Variants in NFAT5 observed in about 807,000 individuals in gnomAD.
NFAT5 encodes nuclear factor of activated T-cells 5.
In NFAT5, 31 loss-of-function variants were observed where a neutral mutation model predicts 166.5. That is an observed-to-expected ratio of 0.19 (90% CI 0.14 to 0.25). The LOEUF (loss-of-function observed/expected upper bound fraction) is 0.25, where lower values mean the gene tolerates loss of function less well. NFAT5 is among the 10% of genes least tolerant of loss of function. The pLI, the probability that NFAT5 is intolerant of heterozygous loss-of-function variation, is 1.00. For synonymous variants in NFAT5, 612 were observed against 639.7 expected, an observed-to-expected ratio of 0.96 and a Z score of 0.65; for missense variants, 1,449 against 1,821.8, an observed-to-expected ratio of 0.80 and a Z score of 3.72.
At chr16:69,595,521 A>T (rs2032741089) in intron 2 of NFAT5, among the ~76,000 whole-genome samples, 2 of 152,108 alleles carry the variant, frequency 1.3e-5, no homozygotes, top group Admixed American at 1.3e-4. Flanking sequence ...TACAAATTTA[A>T]TGCCTTTTAA....
chr16:69,694,770 G>C (rs2151725673), intron 13 of NFAT5, among the ~76,000 whole-genome samples: 1 of 152,362 alleles, frequency 6.6e-6, no homozygotes, highest in African/African-American at 2.4e-5. Flanking sequence ...AAAGGAAAAT[G>C]AAGTCAGAAT....
At chr16:69,601,949 T>C (rs1219307838) in intron 2 of NFAT5, among the ~76,000 whole-genome samples, 1 of 152,196 alleles carries the variant, frequency 6.6e-6, no homozygotes, top group Non-Finnish European at 1.5e-5. Context: ...TGCATATTAT[T>C]AGATAAGACC....
At chr16:69,667,341 A>T (rs1011052622) in intron 7 of NFAT5, among the ~76,000 whole-genome samples, 2 of 152,184 alleles carry the variant, frequency 1.3e-5, no homozygotes, top group African/African-American at 4.8e-5. Context: ...CATTTAAAAA[A>T]AAAACTTTAC....
Position 69,670,154 on chromosome 16 carries a change from C to G in NFAT5, c.1504+43C>G. ...TGGTACAGATATTTGTATGTTTTCA[C>G]TTTGTTATATGGATATAGTCATAGC... On this transcript the variant is annotated intron_variant, in intron 8 of 14. Transcript: ENST00000349945. 2.5e-6 allele frequency: 4 copies of G among 1,596,906 alleles called. No individual in the cohort carries two copies. The Admixed American group carries it at 5.3e-5, about 21-fold the overall frequency.
Position 69,647,898 on chromosome 16 carries a change from G to A in NFAT5, c.812+312G>A, listed in dbSNP as rs771191982. Among the ~76,000 whole-genome samples, 10 of 152,020 alleles carry A rather than the reference G, an allele frequency of 6.6e-5. No homozygotes were observed. Among genetic ancestry groups the A allele is most frequent in the Admixed American group, 2.0e-4 (3 of 15,252 alleles). On this transcript the variant is annotated intron_variant, in intron 4 of 14. Coordinates refer to ENST00000349945, the MANE Select transcript of NFAT5 (RefSeq NM_138713.4). This position sits in a 1 kb window ranked among gnomAD's most constrained non-coding sequence, Gnocchi z 4.8. ...TAAAAGGACTTTTACTCAGCCAGGTGCGGTGGCTCACACCTGTAATCCCAG... is the reference window on the plus strand; with the variant it reads ...TAAAAGGACTTTTACTCAGCCAGGTACGGTGGCTCACACCTGTAATCCCAG...
At chr16:69,678,127 C>T (rs1244973999) in intron 10 of NFAT5, among the ~76,000 whole-genome samples, 1 of 151,754 alleles carries the variant, frequency 6.6e-6, no homozygotes, top group Admixed American at 6.6e-5. Context: ...CATTGCACTC[C>T]AGCCTGGGCG....
chr16:69,581,329 CTATT>C lies in NFAT5; in HGVS notation c.127+12782_127+12785del, dbSNP rs1200118427. 3.9e-5 allele frequency among the ~76,000 whole-genome samples: 6 copies of C among 152,116 alleles called. No homozygotes were observed. The East Asian group carries it at 1.2e-3, about 29-fold the overall frequency. On this transcript the variant is annotated intron_variant, in intron 2 of 14. Coordinates refer to ENST00000349945, the MANE Select transcript of NFAT5 (RefSeq NM_138713.4). ...TATGGATATATCACATTTTGTTTAT[CTATT>C]CATTAGTTGATGGATATTTGTGTCA...
chr16:69,628,470 C>A (rs1331703908), intron 3 of NFAT5, among the ~76,000 whole-genome samples: 1 of 152,044 alleles, frequency 6.6e-6, no homozygotes, highest in African/African-American at 2.4e-5. Context: ...CATTTAAAAT[C>A]TTTTTCAAAA....
chr16:69,607,732 C>G (rs2033491110), intron 2 of NFAT5, among the ~76,000 whole-genome samples: 1 of 152,224 alleles, frequency 6.6e-6, no homozygotes, highest in Non-Finnish European at 1.5e-5. Flanking sequence ...CTTGTGACTT[C>G]TTCTGAAAAA....
At chr16:69,677,888 C>T in intron 10 of NFAT5, among the ~76,000 whole-genome samples, 1 of 152,030 alleles carries the variant, frequency 6.6e-6, no homozygotes, top group Non-Finnish European at 1.5e-5. Context: ...TGCGGTGATG[C>T]ACACCTGTAA....
intron 4 of NFAT5, chr16:69,649,184 A>C (rs1411857143): frequency 1.0e-6 from 1 of 952,798 alleles, no homozygotes; most frequent in Admixed American, 6.2e-5. Context: ...ATACTTAAGT[A>C]ACTGTGATAG....
chr16:69,675,494 G>C (rs535330933), intron 9 of NFAT5, among the ~76,000 whole-genome samples: 1 of 152,268 alleles, frequency 6.6e-6, no homozygotes, highest in South Asian at 2.1e-4. Flanking sequence ...TATGTGTTCA[G>C]ATTTAGCTCC....
chr16:69,695,278 G>A lies in NFAT5; in HGVS notation c.4557G>A (p.Leu1519=). Residue 1519 remains leucine, a synonymous_variant, in exon 14 of 15, where the codon CTG becomes CTA. Transcript: ENST00000349945. ...AGCAAATGCCAGAGAATTCTCCACT[G>A]GCATCCTCTATAAACACCAACCAGA... ...LSQQMPENSP[L]ASSINTNQNI... 6.2e-7 allele frequency: 1 copy of A among 1,614,062 alleles called. No individual in the cohort carries two copies. The highest frequency in any genetic ancestry group is 8.5e-7 in the Non-Finnish European group (1 of 1,180,022).
chr16:69,695,779 A>G (rs1400302799), intron 14 of NFAT5: 2 of 165,186 alleles, frequency 1.2e-5, no homozygotes, highest in Non-Finnish European at 2.7e-5. Context: ...GAGTGCTGAC[A>G]TGACATCTCA....
intron 2 of NFAT5, among the ~76,000 whole-genome samples, chr16:69,598,030 T>C (rs1220990185): frequency 6.6e-6 from 1 of 152,148 alleles, no homozygotes; most frequent in Non-Finnish European, 1.5e-5. Flanking sequence ...TTATGACTTG[T>C]TGCTATGATA....
At chr16:69,570,493 A>G (rs545870847) in intron 2 of NFAT5, among the ~76,000 whole-genome samples, 1 of 152,216 alleles carries the variant, frequency 6.6e-6, no homozygotes, top group South Asian at 2.1e-4. Flanking sequence ...ATTTTAAAAC[A>G]AATATCAAAC....
chr16:69,647,647 A>T lies in NFAT5; in HGVS notation c.812+61A>T, dbSNP rs2035494798. The T allele has an allele frequency of 2.1e-6, 3 of 1,452,556 alleles. No homozygotes were observed. Among genetic ancestry groups the T allele is most frequent in the Middle Eastern group, 1.8e-4 (1 of 5,496 alleles). The allele number at this position is 1,452,556 out of a possible 1,614,324, so 90.0% of individuals were successfully genotyped here. A position where few individuals can be genotyped will look rare whatever the true frequency, so the allele number is the denominator to read the frequency against. The stretch of plus-strand genomic sequence containing the variant: ...TATGCAAAACAAACAAACAAAAAAA[A>T]TTCCCAATTTTTCCTAATTGCTGAG... On this transcript the variant is annotated intron_variant, in intron 4 of 14. Coordinates refer to ENST00000349945, the MANE Select transcript of NFAT5 (RefSeq NM_138713.4). This position sits in a 1 kb window ranked among gnomAD's most constrained non-coding sequence, Gnocchi z 4.8.
intron 11 of NFAT5, chr16:69,685,534 G>A (rs1232514127): frequency 4.0e-5 from 6 of 150,446 alleles, no homozygotes; most frequent in Non-Finnish European, 7.3e-5. Flanking sequence ...GCGACAGAGC[G>A]AGACCCTGTC....
At chr16:69,646,401 T>A in intron 3 of NFAT5, 1 of 312,622 alleles carries the variant, frequency 3.2e-6, no homozygotes, top group Non-Finnish European at 5.7e-6. Flanking sequence ...ACCAGTTCCA[T>A]TTTGCCTCCA....
Sources: gnomAD v4.1 joint callset for allele counts (sites outside exome capture counted in the v4.1 genomes callset) on GRCh38, gnomAD v4.1.1 for gene constraint, Gnocchi (gnomAD v3.1) non-coding constraint, MANE v1.5 for transcripts, NCBI Gene and HGNC (gene_info 2026-07-23, HGNC 2026-07-21) for gene names.